C2CD3: variants seen among roughly 807,000 people sequenced by gnomAD.
C2CD3 encodes C2 domain-containing protein 3.
A neutral mutation model predicts 234.0 loss-of-function variants in C2CD3; 148 were observed. The observed-to-expected ratio is 0.63, with a 90% CI of 0.55 to 0.72. C2CD3 has a LOEUF of 0.72. Among genes scored for constraint, C2CD3 ranks in the 30% least tolerant of loss-of-function variants. The probability of loss-of-function intolerance (pLI) is 0.00; values close to 1 mark genes in which losing one functional copy is unlikely to be tolerated. For synonymous variants in C2CD3, 1,000 were observed against 1,035.4 expected, an observed-to-expected ratio of 0.97 and a Z score of 0.66; for missense variants, 2,577 against 2,811.5, an observed-to-expected ratio of 0.92 and a Z score of 1.89.
At chr11:74,116,983 TACAC>T (rs1241514675) in intron 9 of C2CD3, among the ~76,000 whole-genome samples, 8 of 115,154 alleles carry the variant, frequency 6.9e-5, no homozygotes, top group Admixed American at 3.5e-4. Flanking sequence ...CACGTATATA[TACAC>T]ATATACGTGT....
At chr11:74,060,913 G>C (rs987553663) in intron 24 of C2CD3, among the ~76,000 whole-genome samples, 2 of 152,196 alleles carry the variant, frequency 1.3e-5, no homozygotes, top group African/African-American at 2.4e-5. Flanking sequence ...AGAATAAACA[G>C]TGTGGAGAAG....
chr11:74,074,515 T>C lies in C2CD3; in HGVS notation c.4689A>G (p.Ser1563=). 1 of 1,614,042 alleles carries C rather than the reference T, an allele frequency of 6.2e-7. No homozygotes were observed. Among genetic ancestry groups the C allele is most frequent in the Non-Finnish European group, 8.5e-7 (1 of 1,180,004 alleles). The part of the protein sequence containing the change: ...RVHVVLSSLS[S]HLEPTHELDS... The stretch of plus-strand genomic sequence containing the variant: ...CCAGCTCATGAGTGGGCTCAAGGTG[T>C]GAGGAAAGAGAGGAAAGAACCACAT... The change falls in exon 24 of 33, where the codon TCA becomes TCG. Residue 1563 remains serine, a synonymous_variant. Transcript: ENST00000334126.
intron 4 of C2CD3, 52 bp from the exon 5 acceptor site, chr11:74,139,019 C>T: frequency 6.8e-7 from 1 of 1,473,802 alleles, no homozygotes; most frequent in Non-Finnish European, 9.3e-7. Flanking sequence ...ATTATGGTAA[C>T]ATTCTATTTT....
chr11:74,107,194 G>A (rs1026912872), intron 12 of C2CD3, among the ~76,000 whole-genome samples: 36 of 151,880 alleles, frequency 2.4e-4, no homozygotes, highest in South Asian at 2.1e-4. Context: ...GCATGGTGGC[G>A]GGTGCCTGTA....
intron 15 of C2CD3, among the ~76,000 whole-genome samples, chr11:74,100,087 A>G (rs978976842): frequency 2.0e-5 from 3 of 152,230 alleles, no homozygotes; most frequent in Admixed American, 6.5e-5. Context: ...AAGTTCCGTG[A>G]CAGAATGGTA....
intron 24 of C2CD3, among the ~76,000 whole-genome samples, chr11:74,059,975 G>A (rs531108215): frequency 5.3e-5 from 8 of 152,306 alleles, no homozygotes; most frequent in East Asian, 1.9e-4. Flanking sequence ...ACTGTATCCC[G>A]CGCCTGGCTT....
At chr11:74,159,655 G>C (rs1160407827) in intron 3 of C2CD3, among the ~76,000 whole-genome samples, 1 of 136,446 alleles carries the variant, frequency 7.3e-6, no homozygotes, top group Non-Finnish European at 1.5e-5. Context: ...AAGTCAAAAA[G>C]TTAAAAAAAA....
intron 26 of C2CD3, among the ~76,000 whole-genome samples, chr11:74,051,403 G>A (rs1953680965): frequency 6.6e-6 from 1 of 152,160 alleles, no homozygotes; most frequent in Non-Finnish European, 1.5e-5. Flanking sequence ...TTACCCACTG[G>A]GGATGAAGTA....
chr11:74,032,732 C>G (rs73555974), intron 31 of C2CD3, among the ~76,000 whole-genome samples: 15,592 of 151,914 alleles, frequency 0.1, 2,072 homozygotes, highest in African/African-American at 0.32. Context: ...GGGTGTGATG[C>G]TGCATACCTG....
chr11:74,060,052 T>C (rs565789511), intron 24 of C2CD3, among the ~76,000 whole-genome samples: 8 of 152,258 alleles, frequency 5.3e-5, no homozygotes, highest in African/African-American at 1.9e-4. Flanking sequence ...AACTGCAAGG[T>C]GGCAGTGAGG....
intron 17 of C2CD3, 54 bp from the exon 18 acceptor site, chr11:74,094,053 T>C: frequency 7.0e-7 from 1 of 1,435,426 alleles, no homozygotes; most frequent in Non-Finnish European, 9.7e-7. Flanking sequence ...TAGTGTTTTC[T>C]TCTTCTTTCA....
chr11:74,042,605 T>C (rs542256392), intron 28 of C2CD3, among the ~76,000 whole-genome samples: 1 of 151,936 alleles, frequency 6.6e-6, no homozygotes, highest in African/African-American at 2.4e-5. Flanking sequence ...GCACAAAAAT[T>C]AGCTGGGTGT....
At chr11:74,099,804 A>G (rs1956244616) in intron 15 of C2CD3, among the ~76,000 whole-genome samples, 1 of 151,898 alleles carries the variant, frequency 6.6e-6, no homozygotes, top group Admixed American at 6.6e-5. Flanking sequence ...ACTGAGGCAG[A>G]AGAATGGCGT....
In C2CD3 at chr11:74,095,310, T is replaced by A; in HGVS notation, c.3078A>T (p.Glu1026Asp). The A allele has an allele frequency of 1.2e-6, 2 of 1,613,454 alleles. No homozygotes were observed. Among genetic ancestry groups the A allele is most frequent in the Non-Finnish European group, 1.7e-6 (2 of 1,179,420 alleles). ...LAPLQATVWG[E>D]ADCYVQYYFP... The stretch of plus-strand genomic sequence containing the variant: ...AGTAGTACTGGACATAACAATCTGC[T>A]TCTCCCCAGACTGTTGCCTGAAGAG... The change falls in exon 17 of 33, where the codon GAA becomes GAT. Residue 1026 changes from glutamate (E) to aspartate (D), a missense_variant. Coordinates refer to ENST00000334126, the MANE Select transcript of C2CD3 (RefSeq NM_001286577.2).
intron 11 of C2CD3, 71 bp downstream of exon 11, chr11:74,113,709 A>G: frequency 1.3e-6 from 1 of 787,164 alleles, no homozygotes; most frequent in Non-Finnish European, 2.2e-6. Context: ...AAGTCAAATG[A>G]GTAATTAGGA....
intron 32 of C2CD3, among the ~76,000 whole-genome samples, chr11:74,024,514 G>A (rs931808011): frequency 1.3e-5 from 2 of 152,112 alleles, no homozygotes; most frequent in Non-Finnish European, 2.9e-5. Context: ...TTTGTCTCAA[G>A]TTCTTCAAAG....
At chr11:74,168,993 A>T (rs780229899) in intron 1 of C2CD3, among the ~76,000 whole-genome samples, 8 of 152,246 alleles carry the variant, frequency 5.3e-5, no homozygotes, top group Non-Finnish European at 1.0e-4. Context: ...AAATTTTTCT[A>T]AGTACAGTTG....
At chr11:74,144,620 T>C (rs1024752893) in intron 3 of C2CD3, among the ~76,000 whole-genome samples, 6 of 152,156 alleles carry the variant, frequency 3.9e-5, no homozygotes, top group African/African-American at 1.4e-4. Flanking sequence ...CTCCTTCAAG[T>C]AGGTCCCAGT....
chr11:74,139,768 T>C lies in C2CD3; in HGVS notation c.544A>G (p.Thr182Ala), dbSNP rs1217861622. The change falls in exon 4 of 33, where the codon ACT becomes GCT. Residue 182 changes from threonine to alanine, a missense_variant. Transcript: ENST00000334126. The part of the protein sequence containing the change: ...TYDSYHPLPT[T>A]DMTENVLLSK... ...AAAAGCACATTTTCTGTCATGTCAGTGGTAGGAAGTGGATGGTAGCTGTCG... is the reference window on the plus strand; with the variant it reads ...AAAAGCACATTTTCTGTCATGTCAGCGGTAGGAAGTGGATGGTAGCTGTCG... 1 of 1,613,800 alleles carries C rather than the reference T, an allele frequency of 6.2e-7. No individual in the cohort carries two copies. Among genetic ancestry groups the C allele is most frequent in the Middle Eastern group, 1.7e-4 (1 of 6,060 alleles).
Sources: gnomAD v4.1 joint callset for allele counts (sites outside exome capture counted in the v4.1 genomes callset) on GRCh38, gnomAD v4.1.1 for gene constraint, MANE v1.5 for transcripts, NCBI Gene and HGNC (gene_info 2026-07-23, HGNC 2026-07-21) for gene names.